The following NOX4 variants were observed in gnomAD, a reference collection of about 807,000 sequenced individuals.
NOX4 encodes kidney oxidase-1.
NOX4 carries 69 observed loss-of-function variants against 87.6 expected under a neutral mutation model. The observed-to-expected ratio is 0.79, with a 90% CI of 0.65 to 0.96. The LOEUF is 0.96. Among genes scored for constraint, NOX4 ranks in the 40% least tolerant of loss-of-function variants. The probability of loss-of-function intolerance (pLI) is 0.00; values close to 1 mark genes in which losing one functional copy is unlikely to be tolerated. For synonymous variants in NOX4, 275 were observed against 238.2 expected (o/e 1.15, Z -1.42); for missense variants, 680 against 681.5 (o/e 1.00, Z 0.02).
the NOX4 span, among the ~76,000 whole-genome samples, chr11:89,518,729 A>G: frequency 6.6e-6 from 1 of 152,208 alleles, no homozygotes; most frequent in Admixed American, 6.6e-5. Flanking sequence ...TAATAAAAGA[A>G]TAATGGAAAG....
upstream of NOX4, among the ~76,000 whole-genome samples, chr11:89,496,566 G>C (rs1446629845): frequency 6.8e-6 from 1 of 147,132 alleles, no homozygotes; most frequent in Non-Finnish European, 1.5e-5. Context: ...GCCAATGATA[G>C]ATCAATAGAG....
chr11:89,547,515 A>C, the NOX4 span, among the ~76,000 whole-genome samples: 1 of 152,148 alleles, frequency 6.6e-6, no homozygotes. Flanking sequence ...TACAATATCT[A>C]CTTCTCATAG....
the NOX4 span, among the ~76,000 whole-genome samples, chr11:89,525,897 G>A: frequency 1.3e-5 from 2 of 152,128 alleles, no homozygotes; most frequent in African/African-American, 4.8e-5. Flanking sequence ...TGTATTGTAT[G>A]AGGTCAAGAT....
intron 12 of NOX4, among the ~76,000 whole-genome samples, chr11:89,357,438 T>G (rs893117399): frequency 6.6e-6 from 1 of 152,166 alleles, no homozygotes; most frequent in Non-Finnish European, 1.5e-5. Context: ...TTAACATTTC[T>G]TTCAATCAAA....
At chr11:89,427,905 G>C (rs946705371) in intron 7 of NOX4, among the ~76,000 whole-genome samples, 1 of 152,088 alleles carries the variant, frequency 6.6e-6, no homozygotes, top group Non-Finnish European at 1.5e-5. Context: ...CCAACTCAAA[G>C]ACACATAATT....
At chr11:89,375,858 T>C (rs1591057963) in intron 11 of NOX4, among the ~76,000 whole-genome samples, 1 of 152,328 alleles carries the variant, frequency 6.6e-6, no homozygotes, top group East Asian at 1.9e-4. Context: ...TATGAAAAGA[T>C]GACCTATAGC....
the NOX4 span, among the ~76,000 whole-genome samples, chr11:89,519,302 C>G: frequency 6.6e-6 from 1 of 151,842 alleles, no homozygotes; most frequent in African/African-American, 2.4e-5. Flanking sequence ...ATTTTTGACT[C>G]CATTTACTGA....
At chr11:89,348,153 C>T (rs1247265945) in intron 13 of NOX4, among the ~76,000 whole-genome samples, 1 of 152,152 alleles carries the variant, frequency 6.6e-6, no homozygotes, top group Non-Finnish European at 1.5e-5. Flanking sequence ...TGTGGTGGCT[C>T]ATGCCTGTAA....
chr11:89,372,518 T>C (rs1939520722), intron 12 of NOX4, among the ~76,000 whole-genome samples: 1 of 151,988 alleles, frequency 6.6e-6, no homozygotes, highest in Admixed American at 6.6e-5. Flanking sequence ...AGTTAATCAT[T>C]GCCTTTCCTG....
chr11:89,541,126 C>A, the NOX4 span, among the ~76,000 whole-genome samples: 10 of 152,106 alleles, frequency 6.6e-5, no homozygotes, highest in Non-Finnish European at 1.5e-4. Flanking sequence ...CTCTTAAATT[C>A]TCTTTGAAAA....
chr11:89,417,521 A>G (rs1327697665), intron 8 of NOX4, among the ~76,000 whole-genome samples: 1 of 152,160 alleles, frequency 6.6e-6, no homozygotes, highest in African/African-American at 2.4e-5. Flanking sequence ...CTTTATTGCT[A>G]AAAATCAATA....
chr11:89,567,516 A>T, the NOX4 span, among the ~76,000 whole-genome samples: 1 of 152,312 alleles, frequency 6.6e-6, no homozygotes, highest in East Asian at 1.9e-4. Context: ...ATGGCTGGGG[A>T]GGCCTCAGGA....
chr11:89,468,845 G>C (rs2135436639), intron 2 of NOX4, among the ~76,000 whole-genome samples: 1 of 152,242 alleles, frequency 6.6e-6, no homozygotes, highest in Admixed American at 6.5e-5. Flanking sequence ...CCTGGGCTTA[G>C]CTGATTCTCC....
intron 11 of NOX4, among the ~76,000 whole-genome samples, chr11:89,387,351 C>A (rs774664210): frequency 3.3e-5 from 5 of 151,934 alleles, no homozygotes; most frequent in Non-Finnish European, 5.9e-5. Flanking sequence ...CACTGAGCAC[C>A]TTGTGACCCC....
intron 11 of NOX4, among the ~76,000 whole-genome samples, chr11:89,374,963 C>T (rs1294288417): frequency 6.6e-6 from 1 of 152,024 alleles, no homozygotes; most frequent in African/African-American, 2.4e-5. Context: ...ATAAAAGTAC[C>T]ATATCTTATG....
intron 9 of NOX4, among the ~76,000 whole-genome samples, chr11:89,401,547 T>A (rs1417173407): frequency 1.3e-5 from 2 of 152,116 alleles, no homozygotes; most frequent in Non-Finnish European, 2.9e-5. Context: ...CACTATTTCC[T>A]ACTTCCACTT....
chr11:89,400,685 A>G (rs1591125084), intron 9 of NOX4, among the ~76,000 whole-genome samples: 1 of 151,954 alleles, frequency 6.6e-6, no homozygotes, highest in African/African-American at 2.4e-5. Flanking sequence ...TATGTAATGT[A>G]TATACACAAT....
intron 2 of NOX4, among the ~76,000 whole-genome samples, chr11:89,455,307 C>T (rs908517423): frequency 6.6e-6 from 1 of 152,080 alleles, no homozygotes; most frequent in African/African-American, 2.4e-5. Context: ...CAAGGACATT[C>T]CATGGAGAAG....
In NOX4 at chr11:89,326,767, A is replaced by T. The variant is rs1437027235; in HGVS notation, c.1726T>A (p.Ser576Thr). The T allele has an allele frequency of 6.2e-7, 1 of 1,611,996 alleles. No homozygotes were observed. Among genetic ancestry groups the T allele is most frequent in the Non-Finnish European group, 8.5e-7 (1 of 1,179,068 alleles). The stretch of plus-strand genomic sequence containing the variant: ...CATGGCAAAAGTTTTCAGCTGAAAG[A>T]CTCTTTATTGTATTCAAATCTTGTC... ...YGTRFEYNKE[S>T]FS Residue 576 changes from serine (S) to threonine (T), a missense_variant, in exon 18 of 18, where the codon TCT (serine) becomes ACT (threonine). Transcript: ENST00000263317.
Sources: gnomAD v4.1 joint callset for allele counts (sites outside exome capture counted in the v4.1 genomes callset) on GRCh38, gnomAD v4.1.1 for gene constraint, MANE v1.5 for transcripts, NCBI Gene and HGNC (gene_info 2026-07-23, HGNC 2026-07-21) for gene names.